PYGB: variants seen among roughly 807,000 people sequenced by gnomAD.
The protein encoded by PYGB is glycogen phosphorylase, brain form.
In PYGB, 82 loss-of-function variants were observed where a neutral mutation model predicts 94.3. The ratio of observed to expected loss-of-function variants is 0.87; its 90% CI spans 0.73 to 1.04. PYGB has a LOEUF of 1.04. Ranked by LOEUF, PYGB falls within the 50% of genes least tolerant of loss-of-function variation. The pLI, the probability that PYGB is intolerant of heterozygous loss-of-function variation, is 0.00. For synonymous variants in PYGB, 488 were observed against 479.1 expected (o/e 1.02, Z -0.24); for missense variants, 1,132 against 1,158.2 (o/e 0.98, Z 0.33).
intron 1 of PYGB, among the ~76,000 whole-genome samples, chr20:25,250,025 A>G (rs1017951381): frequency 6.6e-6 from 1 of 151,992 alleles, no homozygotes; most frequent in Non-Finnish European, 1.5e-5. Context: ...AATTTTTTGT[A>G]TCTTTAGTAG....
chr20:25,255,666 G>A (rs1439355489), intron 1 of PYGB, among the ~76,000 whole-genome samples: 1 of 134,338 alleles, frequency 7.4e-6, no homozygotes, highest in Non-Finnish European at 1.5e-5. Context: ...GGGACAGGAG[G>A]GGACCGGTTT....
intron 17 of PYGB, among the ~76,000 whole-genome samples, chr20:25,293,636 C>T (rs567734639): frequency 5.6e-4 from 86 of 152,340 alleles, no homozygotes; most frequent in African/African-American, 1.9e-3. Flanking sequence ...CCTCACACAG[C>T]TTCTTCTGCC....
chr20:25,286,450 A>T (rs1362257242), intron 14 of PYGB, among the ~76,000 whole-genome samples: 1 of 151,962 alleles, frequency 6.6e-6, no homozygotes, highest in Admixed American at 6.5e-5. Context: ...ATGTCTTTCC[A>T]AGTTGGTGGT....
intron 2 of PYGB, among the ~76,000 whole-genome samples, 166 bp downstream of exon 2, chr20:25,259,504 T>C (rs1026992696): frequency 7.2e-5 from 11 of 152,214 alleles, no homozygotes; most frequent in Non-Finnish European, 1.6e-4. Flanking sequence ...TTGGCGGGGC[T>C]GCTCTCTGTT....
intron 18 of PYGB, chr20:25,295,098 A>G: frequency 6.8e-7 from 1 of 1,480,774 alleles, no homozygotes; most frequent in Non-Finnish European, 9.4e-7. Flanking sequence ...CTGACTCGAT[A>G]GTGAACAGAA....
intron 1 of PYGB, among the ~76,000 whole-genome samples, chr20:25,254,227 A>G (rs977230222): frequency 2.6e-5 from 4 of 152,352 alleles, no homozygotes; most frequent in African/African-American, 7.2e-5. Context: ...GTTGTCTGCA[A>G]ATCTTTTCAG....
chr20:25,293,903 G>C, intron 17 of PYGB: 1 of 529,592 alleles, frequency 1.9e-6, no homozygotes, highest in South Asian at 2.0e-5. Flanking sequence ...AGATCTGCTA[G>C]TGATGACATT....
intron 1 of PYGB, among the ~76,000 whole-genome samples, chr20:25,248,745 G>T (rs901175865): frequency 6.6e-6 from 1 of 151,290 alleles, no homozygotes; most frequent in African/African-American, 2.5e-5. Context: ...TTCCGCGCTG[G>T]CTGCAGAGCC....
At chr20:25,252,907 T>C (rs2092892259) in intron 1 of PYGB, among the ~76,000 whole-genome samples, 1 of 149,888 alleles carries the variant, frequency 6.7e-6, no homozygotes. Flanking sequence ...TCCAACCCTC[T>C]AATTAGAGCT....
intron 16 of PYGB, among the ~76,000 whole-genome samples, chr20:25,291,571 TGAG>T (rs1357060193): frequency 1.3e-5 from 2 of 152,182 alleles, no homozygotes; most frequent in African/African-American, 2.4e-5. Flanking sequence ...CGAGGTCCCT[TGAG>T]GCACTCACGG....
At chr20:25,259,738 C>T (rs1275360721) in intron 2 of PYGB, among the ~76,000 whole-genome samples, 2 of 152,172 alleles carry the variant, frequency 1.3e-5, no homozygotes, top group East Asian at 3.9e-4. Flanking sequence ...GGAGCTCACC[C>T]TAGTTGTCTA....
At chr20:25,274,928 G>A (rs1384232904) in intron 5 of PYGB, among the ~76,000 whole-genome samples, 1 of 152,232 alleles carries the variant, frequency 6.6e-6, no homozygotes, top group Non-Finnish European at 1.5e-5. Context: ...TGGAAGCGCT[G>A]AGCACAGCAG....
intron 2 of PYGB, among the ~76,000 whole-genome samples, chr20:25,263,616 A>T (rs1194775764): frequency 6.6e-6 from 1 of 152,240 alleles, no homozygotes; most frequent in Non-Finnish European, 1.5e-5. Flanking sequence ...CTGATGCCAC[A>T]GAAATACAAA....
At chr20:25,260,447 A>G (rs2474762) in intron 2 of PYGB, among the ~76,000 whole-genome samples, 142,246 of 152,342 alleles carry the variant, frequency 0.93, 66,478 homozygotes, top group East Asian at 1. Context: ...GTTAATTATA[A>G]AAATTTAGAA....
chr20:25,291,482 A>T (rs1212268192), intron 16 of PYGB, among the ~76,000 whole-genome samples: 4 of 151,598 alleles, frequency 2.6e-5, no homozygotes, highest in Non-Finnish European at 2.9e-5. Context: ...GCAGGGGGGG[A>T]TCCCTGGGCA....
chr20:25,286,687 T>C (rs1176784812), intron 14 of PYGB, among the ~76,000 whole-genome samples: 2 of 152,148 alleles, frequency 1.3e-5, no homozygotes, highest in Non-Finnish European at 2.9e-5. Flanking sequence ...GGCGGGAGGC[T>C]CCTCTGGAGG....
chr20:25,277,803 G>A (rs140002339), intron 7 of PYGB, among the ~76,000 whole-genome samples: 121 of 152,342 alleles, frequency 7.9e-4, no homozygotes, highest in Non-Finnish European at 1.5e-3. Flanking sequence ...TGATGGTGTC[G>A]CAGCCATGTT....
intron 11 of PYGB, 36 bp downstream of exon 11, chr20:25,281,148 GTC>G: frequency 1.2e-6 from 2 of 1,610,020 alleles, no homozygotes; most frequent in Non-Finnish European, 1.7e-6. Context: ...GGCCAGCTCT[GTC>G]TGACACCCAG....
chr20:25,286,049 T>G (rs547935393), intron 14 of PYGB, among the ~76,000 whole-genome samples: 1 of 151,956 alleles, frequency 6.6e-6, no homozygotes, highest in East Asian at 1.9e-4. Flanking sequence ...GTCTGGAGGG[T>G]GGGTGTGTGT....
Sources: allele counts gnomAD v4.1 joint callset (sites outside exome capture counted in the v4.1 genomes callset), GRCh38; gene constraint gnomAD v4.1.1; transcripts MANE v1.5; gene names NCBI Gene and HGNC (gene_info 2026-07-23, HGNC 2026-07-21).